NFE2L1: variants seen among roughly 807,000 people sequenced by gnomAD.
The protein encoded by NFE2L1 is endoplasmic reticulum membrane sensor NFE2L1.
A neutral mutation model predicts 61.6 loss-of-function variants in NFE2L1; 18 were observed. The ratio of observed to expected loss-of-function variants is 0.29; its 90% confidence interval spans 0.20 to 0.43. The LOEUF is 0.43. NFE2L1 is among the 20% of genes least tolerant of loss of function. NFE2L1 has a pLI of 1.00. For synonymous variants in NFE2L1, 419 were observed against 402.7 expected (o/e 1.04, Z -0.48); for missense variants, 827 against 973.5 (o/e 0.85, Z 2.00).
intron 2 of NFE2L1, 43 bp downstream of exon 2, chr17:48,051,671 G>C (rs1374031937): frequency 1.3e-6 from 2 of 1,568,338 alleles, no homozygotes; most frequent in South Asian, 1.2e-5. Context: ...GGGGCTTGGG[G>C]GTGGGCTGGT....
rs1215447739 is a variant in NFE2L1 at position 48,051,616 on chromosome 17, C to T, written c.498C>T (p.Asp166=). ...LGAVAPPVSG[D]LTKEDIDLID... ...CTGTAGCCCCCCCAGTCAGTGGAGA[C>T]TTAACCAAAGAGGTTAGTGGACCTG... The change falls in exon 2 of 6, where the codon GAC becomes GAT. Residue 166 remains aspartate (D), a synonymous_variant. Coordinates refer to ENST00000362042, the MANE Select transcript of NFE2L1 (RefSeq NM_003204.3). The T allele has an allele frequency of 2.5e-6, 4 of 1,612,180 alleles. No individual in the cohort carries two copies. The highest frequency in any genetic ancestry group is 3.3e-5 in the Admixed American group (2 of 59,836).
rs1664324528 is a variant in NFE2L1 at position 48,061,498 on chromosome 17, T to TC, written c.*1861dup. ...ATGATTCATTCTTAAGTGCACTTTT[T>TC]CCCCACTTTGAATTTAAATTGAGAA... On this transcript the variant is annotated 3_prime_UTR_variant, in exon 6 of 6. Transcript: ENST00000362042. The TC allele has an allele frequency of 6.6e-6, 1 of 152,218 alleles. No homozygotes were observed. The highest frequency in any genetic ancestry group is 1.5e-5 in the Non-Finnish European group (1 of 68,054). 9.4% of individuals were successfully genotyped at this position (152,218 alleles called of 1,614,324 possible). A position where few individuals can be genotyped will look rare whatever the true frequency, so the allele number is the denominator to read the frequency against.
Position 48,058,514 on chromosome 17 carries a change from C to G in NFE2L1, c.1192C>G (p.Pro398Ala). 6.2e-7 allele frequency: 1 copy of G among 1,613,232 alleles called. No individual in the cohort carries two copies. The highest frequency in any genetic ancestry group is 8.5e-7 in the Non-Finnish European group (1 of 1,179,490). ...TAGCTCCACGCTGCTCCCGTTGGCCCCCAGCAATTCTACCAGCCTCAACTC... is the reference window on the plus strand; with the variant it reads ...TAGCTCCACGCTGCTCCCGTTGGCCGCCAGCAATTCTACCAGCCTCAACTC... Reference protein sequence around the residue: ...ASSSTLLPLAPSNSTSLNSTF... With the variant: ...ASSSTLLPLAASNSTSLNSTF... Residue 398 changes from proline (P) to alanine (A), a missense_variant, in exon 6 of 6, where the codon CCC (proline) becomes GCC (alanine). Coordinates refer to ENST00000362042, the MANE Select transcript of NFE2L1 (RefSeq NM_003204.3).
Position 48,059,655 on chromosome 17 carries a change from G to A in NFE2L1, c.*14G>A. ...CGGAGAAAGTGAGCCTGGGGAAGAAGGGGGTTTGAAGCCCACCAAGACCGA... is the reference window on the plus strand; with the variant it reads ...CGGAGAAAGTGAGCCTGGGGAAGAAAGGGGTTTGAAGCCCACCAAGACCGA... On this transcript the variant is annotated 3_prime_UTR_variant, in exon 6 of 6. Transcript: ENST00000362042. The surrounding 1 kb of genome is among the most constrained non-coding windows in gnomAD (Gnocchi z 6.1). The A allele has an allele frequency of 6.5e-7, 1 of 1,534,170 alleles. No homozygotes were observed. The highest frequency in any genetic ancestry group is 8.8e-7 in the Non-Finnish European group (1 of 1,142,334).
At position 48,059,793 on chromosome 17, in the gene NFE2L1, A is replaced by G. The variant is rs2037503171; in HGVS notation, c.*152A>G. On this transcript the variant is annotated 3_prime_UTR_variant, in exon 6 of 6. Coordinates refer to ENST00000362042, the MANE Select transcript of NFE2L1 (RefSeq NM_003204.3). This position sits in a 1 kb window ranked among gnomAD's most constrained non-coding sequence, Gnocchi z 6.1. ...GATGACTGCGGGTCAGTGTACAGGA[A>G]GAGGCAGGCACTGGCTGGCTCAGCT... The G allele has an allele frequency of 1.7e-6, 2 of 1,207,188 alleles. No homozygotes were observed. The highest frequency in any genetic ancestry group is 2.2e-6 in the Non-Finnish European group (2 of 896,994). The allele number at this position is 1,207,188 out of a possible 1,614,324, so 74.8% of individuals were successfully genotyped here.
chr17:48,057,133 T>G lies in NFE2L1; in HGVS notation c.813+12T>G. The G allele has an allele frequency of 6.2e-7, 1 of 1,612,234 alleles. No homozygotes were observed. The highest frequency in any genetic ancestry group is 8.5e-7 in the Non-Finnish European group (1 of 1,179,516). On this transcript the variant is annotated intron_variant, in intron 4 of 5. Coordinates refer to ENST00000362042, the MANE Select transcript of NFE2L1 (RefSeq NM_003204.3). The stretch of plus-strand genomic sequence containing the variant: ...GGGAGAATGCTGAGGTGAGCAGGAC[T>G]CCAGTGAGAGTCCACCAAGTGAGCA...
At position 48,059,095 on chromosome 17, in the gene NFE2L1, A is replaced by G; in HGVS notation, c.1773A>G (p.Pro591=). 6.2e-7 allele frequency: 1 copy of G among 1,613,988 alleles called. No homozygotes were observed. Among genetic ancestry groups the G allele is most frequent in the South Asian group, 1.1e-5 (1 of 91,070 alleles). The part of the protein sequence containing the change: ...PSALDSADLP[P]PSALKKGSKE... Reference sequence around the variant, plus strand: ...CCCTGGACTCAGCCGACCTGCCACCACCCAGTGCCCTCAAGAAAGGCAGCA... The same window carrying G: ...CCCTGGACTCAGCCGACCTGCCACCGCCCAGTGCCCTCAAGAAAGGCAGCA... Residue 591 remains proline, a synonymous_variant, in exon 6 of 6, where the codon CCA becomes CCG. Transcript: ENST00000362042. This position sits in a 1 kb window ranked among gnomAD's most constrained non-coding sequence, Gnocchi z 6.1.
At position 48,059,630 on chromosome 17, in the gene NFE2L1, C is replaced by G; in HGVS notation, c.2308C>G (p.Arg770Gly). The change falls in exon 6 of 6, where the codon CGG (arginine) becomes GGG (glycine). Residue 770 changes from arginine (R) to glycine (G), a missense_variant. Arg to Gly is a moderately radical substitution (Grantham distance 125). This residue lies in a region of NFE2L1 where 86 missense variants were observed against 97.3 expected (regional missense o/e 0.88). Coordinates refer to ENST00000362042, the MANE Select transcript of NFE2L1 (RefSeq NM_003204.3). This position sits in a 1 kb window ranked among gnomAD's most constrained non-coding sequence, Gnocchi z 6.1. ...GCGGCAGGAGAGGAAGCCAAAGGAC[C>G]GGAGAAAGTGAGCCTGGGGAAGAAG... is the stretch of plus-strand genomic sequence containing the variant. ...ARRQERKPKD[R>G]RK 2 of 1,554,822 alleles carry G rather than the reference C, an allele frequency of 1.3e-6. No individual in the cohort carries two copies. The highest frequency in any genetic ancestry group is 1.7e-6 in the Non-Finnish European group (2 of 1,150,392).
intron 2 of NFE2L1, 100 bp downstream of exon 2, chr17:48,051,728 A>T (rs1375644384): frequency 1.9e-5 from 26 of 1,402,352 alleles, no homozygotes; most frequent in Non-Finnish European, 2.5e-5. Flanking sequence ...AGAGCCAGAC[A>T]GGTTTCAGCA....
chr17:48,049,027 ATTGTG>A (rs1223820899), intron 1 of NFE2L1: 1 of 152,450 alleles, frequency 6.6e-6, no homozygotes, highest in African/African-American at 2.4e-5. Flanking sequence ...CTGGGTCGCA[ATTGTG>A]TTTACTCTGA....
chr17:48,052,416 C>T (rs936647612), intron 2 of NFE2L1, among the ~76,000 whole-genome samples: 3 of 152,182 alleles, frequency 2.0e-5, no homozygotes, highest in Admixed American at 6.5e-5. Flanking sequence ...GTATGGCTCT[C>T]GCTTGCCATC....
Position 48,055,257 on chromosome 17 carries a change from C to G in NFE2L1, c.511-1129C>G. 7.5e-6 allele frequency: 9 copies of G among 1,207,528 alleles called. No homozygotes were observed. In the South Asian group the frequency reaches 2.5e-4, roughly 34 times the overall value. 74.8% of individuals were successfully genotyped at this position (1,207,528 alleles called of 1,614,324 possible). A position where few individuals can be genotyped will look rare whatever the true frequency, so the allele number is the denominator to read the frequency against. On this transcript the variant is annotated intron_variant, in intron 2 of 5. Coordinates refer to ENST00000362042, the MANE Select transcript of NFE2L1 (RefSeq NM_003204.3). ...TTAGAGGTAGGGAGGAGGGTCTGAT[C>G]TAAGGAAATTGCTTTCTGGAAAGTG...
Position 48,051,611 on chromosome 17 carries a change from G to T in NFE2L1, c.493G>T (p.Gly165Ter). ...GGGGGCTGTAGCCCCCCCAGTCAGT[G>T]GAGACTTAACCAAAGAGGTTAGTGG... ...DLGAVAPPVSGDLTKEDIDLI... is the reference protein window; with the variant it reads ...DLGAVAPPVS Residue 165 changes from glycine to a stop codon, truncating the protein, a stop_gained, in exon 2 of 6, where the codon GGA becomes TGA. Transcript: ENST00000362042. LOFTEE classifies it high-confidence loss of function. 6.2e-7 allele frequency: 1 copy of T among 1,613,334 alleles called. No individual in the cohort carries two copies.
chr17:48,058,589 A>T lies in NFE2L1; in HGVS notation c.1267A>T (p.Asn423Tyr). The change falls in exon 6 of 6, where the codon AAT becomes TAT. Residue 423 changes from asparagine to tyrosine, a missense_variant. Around this residue, in one of 3 missense-constraint regions of NFE2L1, gnomAD observed 667 missense variants for 748.4 expected, o/e 0.89. Transcript: ENST00000362042. ...LTGLFFPPQL[N>Y]GTANDTAGPE... The stretch of plus-strand genomic sequence containing the variant: ...AGGGCTCTTCTTTCCACCCCAGCTC[A>T]ATGGCACAGCCAATGACACAGCAGG... 1 of 1,613,772 alleles carries T rather than the reference A, an allele frequency of 6.2e-7. No individual in the cohort carries two copies. Among genetic ancestry groups the T allele is most frequent in the African/African-American group, 1.3e-5 (1 of 75,042 alleles).
chr17:48,052,862 A>G (rs1377412780), intron 2 of NFE2L1, among the ~76,000 whole-genome samples: 1 of 152,196 alleles, frequency 6.6e-6, no homozygotes, highest in Non-Finnish European at 1.5e-5. Context: ...CCCAAGTGTC[A>G]GTAGTGCAGG....
chr17:48,054,570 C>T, intron 2 of NFE2L1: 4 of 1,202,602 alleles, frequency 3.3e-6, no homozygotes, highest in Non-Finnish European at 4.1e-6. Context: ...AGGGGATTGG[C>T]TCTCTGCAGC....
intron 2 of NFE2L1, chr17:48,054,831 A>G: frequency 7.9e-7 from 1 of 1,260,334 alleles, no homozygotes; most frequent in Non-Finnish European, 9.9e-7. Flanking sequence ...GGGGCTGCTC[A>G]AGGATGGAGG....
In NFE2L1 at chr17:48,058,760, T is replaced by G. The variant is rs1179231787; in HGVS notation, c.1438T>G (p.Ser480Ala). The G allele has an allele frequency of 6.2e-7, 1 of 1,614,100 alleles. No homozygotes were observed. The highest frequency in any genetic ancestry group is 1.3e-5 in the African/African-American group (1 of 74,940). The change falls in exon 6 of 6, where the codon TCC becomes GCC. Residue 480 changes from serine to alanine, a missense_variant. Transcript: ENST00000362042. Reference sequence around the variant, plus strand: ...GGAATTTGACTCTGACTCAGGCCTTTCCTTAGACTCGAGCCATAGCCCTTC... The same window carrying G: ...GGAATTTGACTCTGACTCAGGCCTTGCCTTAGACTCGAGCCATAGCCCTTC... Reference protein sequence around the residue: ...EEEFDSDSGLSLDSSHSPSSL... With the variant: ...EEEFDSDSGLALDSSHSPSSL...
intron 4 of NFE2L1, 58 bp from the exon 5 acceptor site, chr17:48,057,286 G>C: frequency 6.2e-7 from 1 of 1,600,332 alleles, no homozygotes; most frequent in Non-Finnish European, 8.5e-7. Flanking sequence ...GTAATCTCTG[G>C]GAGGAAAGCA....
Sources: allele counts gnomAD v4.1 joint callset (sites outside exome capture counted in the v4.1 genomes callset), GRCh38; gene constraint gnomAD v4.1.1; regional missense constraint gnomAD v4.1.1; non-coding constraint Gnocchi (gnomAD v3.1); transcripts MANE v1.5; gene names NCBI Gene and HGNC (gene_info 2026-07-23, HGNC 2026-07-21).